Variants in ATP2C2 observed in about 807,000 individuals in gnomAD.
ATP2C2 encodes the protein calcium-transporting ATPase type 2C member 2.
Under a neutral mutation model 110.8 loss-of-function variants are expected in ATP2C2, and 171 were observed. The ratio of observed to expected loss-of-function variants is 1.54; its 90% CI spans 1.36 to 1.75. ATP2C2 has a LOEUF of 1.75. Among genes scored for constraint, ATP2C2 ranks in the 40% most tolerant of loss-of-function variants. The pLI is 0.00. For missense variants in ATP2C2, 1,963 were observed against 1,235.0 expected (o/e 1.59, Z -8.84); for synonymous variants, 804 against 508.4 (o/e 1.58, Z -7.82).
At chr16:84,446,514 T>C in intron 16 of ATP2C2, 84 bp downstream of exon 16, 1 of 987,096 alleles carries the variant, frequency 1.0e-6, no homozygotes, top group East Asian at 2.7e-5. Flanking sequence ...ACTTCAAGGA[T>C]AATTTGAAAG....
intron 6 of ATP2C2, among the ~76,000 whole-genome samples, chr16:84,411,844 G>A (rs1385315887): frequency 1.3e-5 from 2 of 152,190 alleles, no homozygotes; most frequent in Admixed American, 6.5e-5. Flanking sequence ...AACATCTGCG[G>A]GGGCCCTTCT....
intron 7 of ATP2C2, among the ~76,000 whole-genome samples, chr16:84,417,650 G>C (rs1463933957): frequency 6.6e-6 from 1 of 152,126 alleles, no homozygotes; most frequent in Non-Finnish European, 1.5e-5. Flanking sequence ...CCAATACTTT[G>C]GGCAGCCAAG....
intron 7 of ATP2C2, among the ~76,000 whole-genome samples, chr16:84,420,767 TTC>T (rs1907260514): frequency 6.6e-6 from 1 of 152,122 alleles, no homozygotes; most frequent in Non-Finnish European, 1.5e-5. Flanking sequence ...CTGTGACAGT[TTC>T]TGATGTTCCT....
intron 17 of ATP2C2, among the ~76,000 whole-genome samples, chr16:84,450,261 A>G (rs908809893): frequency 1.3e-5 from 2 of 152,140 alleles, no homozygotes; most frequent in Non-Finnish European, 2.9e-5. Flanking sequence ...CGTTTTTCCA[A>G]TCTGTGTTTA....
intron 11 of ATP2C2, among the ~76,000 whole-genome samples, chr16:84,429,253 G>A (rs1908053646): frequency 6.6e-6 from 1 of 152,176 alleles, no homozygotes; most frequent in South Asian, 2.1e-4. Flanking sequence ...CCAGGTTCAT[G>A]CAATTCTCCT....
At chr16:84,446,671 G>T (rs1027209727) in intron 16 of ATP2C2, among the ~76,000 whole-genome samples, 2 of 152,144 alleles carry the variant, frequency 1.3e-5, no homozygotes, top group African/African-American at 2.4e-5. Flanking sequence ...TTGTTACCAC[G>T]CGAGACTTTA....
At chr16:84,401,990 T>C (rs568383358) in intron 2 of ATP2C2, among the ~76,000 whole-genome samples, 4 of 152,326 alleles carry the variant, frequency 2.6e-5, no homozygotes, top group Admixed American at 2.6e-4. Context: ...TTTTTCTGTG[T>C]CTTCTTCAGT....
Position 84,439,487 on chromosome 16 carries a change from T to C in ATP2C2, c.1172T>C (p.Val391Ala), listed in dbSNP as rs760853605. ...TGTLTANEMT[V>A]TQLVTSDGLR... ...ACTCTGACTGCCAATGAAATGACAG[T>C]GACCCAGCTTGTAACGTCAGATGGG... is the stretch of plus-strand genomic sequence containing the variant. The change falls in exon 13 of 27, where the codon GTG becomes GCG. Residue 391 changes from valine to alanine, a missense_variant. Transcript: ENST00000262429. The C allele has an allele frequency of 5.0e-6, 8 of 1,614,206 alleles. No homozygotes were observed. The highest frequency in any genetic ancestry group is 3.3e-5 in the Admixed American group (2 of 60,020).
chr16:84,378,242 G>A (rs911117821), intron 1 of ATP2C2, among the ~76,000 whole-genome samples: 2 of 152,184 alleles, frequency 1.3e-5, no homozygotes, highest in Non-Finnish European at 2.9e-5. Flanking sequence ...GAATCTGGGG[G>A]CTCTGGGCGT....
At chr16:84,383,043 A>C (rs920647500) in intron 1 of ATP2C2, among the ~76,000 whole-genome samples, 1 of 152,204 alleles carries the variant, frequency 6.6e-6, no homozygotes. Flanking sequence ...CTCCTCTCCC[A>C]GGGACATGCT....
At chr16:84,448,283 A>G (rs12931057) in intron 16 of ATP2C2, among the ~76,000 whole-genome samples, 14,058 of 152,236 alleles carry the variant, frequency 0.092, 863 homozygotes, top group South Asian at 0.24. Flanking sequence ...AAGGGAACTG[A>G]AAAAAGAACA....
intron 11 of ATP2C2, 77 bp downstream of exon 11, chr16:84,425,878 G>T: frequency 6.5e-7 from 1 of 1,541,938 alleles, no homozygotes. Context: ...GCAAGAGAAG[G>T]TGGGGAGGCT....
intron 25 of ATP2C2, 37 bp downstream of exon 25, chr16:84,461,849 C>G: frequency 2.5e-6 from 4 of 1,609,576 alleles, no homozygotes; most frequent in African/African-American, 1.3e-5. Context: ...TGCAGAGCTG[C>G]TGTGTGTTCT....
intron 11 of ATP2C2, among the ~76,000 whole-genome samples, chr16:84,430,216 C>T (rs190692376): frequency 7.9e-5 from 12 of 152,080 alleles, no homozygotes; most frequent in African/African-American, 2.4e-4. Flanking sequence ...ACTGGGCTGC[C>T]GGGAGAAGGG....
chr16:84,390,966 T>C (rs747333036), intron 1 of ATP2C2, among the ~76,000 whole-genome samples: 29 of 151,572 alleles, frequency 1.9e-4, no homozygotes, highest in Non-Finnish European at 3.5e-4. Context: ...ATACAAAAAT[T>C]AGCCCGGCGT....
At chr16:84,398,855 C>T (rs1905147281) in intron 2 of ATP2C2, among the ~76,000 whole-genome samples, 1 of 152,192 alleles carries the variant, frequency 6.6e-6, no homozygotes, top group African/African-American at 2.4e-5. Flanking sequence ...TCTGTGTACG[C>T]TGCTTCTCTT....
chr16:84,431,055 G>C (rs1567718811), intron 11 of ATP2C2, among the ~76,000 whole-genome samples: 1 of 152,156 alleles, frequency 6.6e-6, no homozygotes, highest in African/African-American at 2.4e-5. Flanking sequence ...CAAAAGTGCT[G>C]ATCCAGCTGG....
intron 7 of ATP2C2, among the ~76,000 whole-genome samples, chr16:84,418,837 G>A (rs1333159919): frequency 2.0e-5 from 3 of 152,172 alleles, no homozygotes; most frequent in Admixed American, 6.5e-5. Flanking sequence ...CTTACTTAGG[G>A]GCTTAAAACA....
At position 84,463,744 on chromosome 16, in the gene ATP2C2, C is replaced by T. The variant is rs188454934; in HGVS notation, c.*12C>T. On this transcript the variant is annotated 3_prime_UTR_variant, in exon 27 of 27. Transcript: ENST00000262429. Reference sequence around the variant, plus strand: ...CTGAAGATGTGTAGTGGACCGCACTCCGCGGCACCTTCCCTAATCATCTCG... The same window carrying T: ...CTGAAGATGTGTAGTGGACCGCACTTCGCGGCACCTTCCCTAATCATCTCG... 36 of 1,591,056 alleles carry T rather than the reference C, an allele frequency of 2.3e-5. No homozygotes were observed. Among genetic ancestry groups the T allele is most frequent in the African/African-American group, 4.0e-5 (3 of 74,440 alleles).
Sources: allele counts gnomAD v4.1 joint callset (sites outside exome capture counted in the v4.1 genomes callset), GRCh38; gene constraint gnomAD v4.1.1; transcripts MANE v1.5; gene names NCBI Gene and HGNC (gene_info 2026-07-23, HGNC 2026-07-21).